The following ALS2 variants were observed in gnomAD, a reference collection of about 807,000 sequenced individuals.
ALS2 encodes alsin.
Under a neutral mutation model 203.4 loss-of-function variants are expected in ALS2, and 117 were observed. The ratio of observed to expected loss-of-function variants is 0.58; its 90% CI spans 0.50 to 0.67. The LOEUF is 0.67. Ranked by LOEUF, ALS2 falls within the 30% of genes least tolerant of loss-of-function variation. The pLI is 0.00. For missense variants in ALS2, 1,715 were observed against 1,989.4 expected, an observed-to-expected ratio of 0.86 and a Z score of 2.62; for synonymous variants, 718 against 725.9, an observed-to-expected ratio of 0.99 and a Z score of 0.17.
At chr2:201,739,330 T>C (rs1692109898) in intron 11 of ALS2, among the ~76,000 whole-genome samples, 1 of 151,648 alleles carries the variant, frequency 6.6e-6, no homozygotes, top group Admixed American at 6.6e-5. Context: ...ACTTGGTATC[T>C]ACCAAGCAAT....
intron 25 of ALS2, among the ~76,000 whole-genome samples, chr2:201,712,136 T>C (rs540300461): frequency 1.3e-5 from 2 of 152,298 alleles, no homozygotes; most frequent in South Asian, 4.1e-4. Flanking sequence ...TACACGAATT[T>C]CAAGCAAGCA....
chr2:201,717,355 A>T (rs1175881162), intron 24 of ALS2, among the ~76,000 whole-genome samples: 1 of 151,952 alleles, frequency 6.6e-6, no homozygotes, highest in Non-Finnish European at 1.5e-5. Flanking sequence ...AGTCTCAGCT[A>T]CTTGGAAGCC....
chr2:201,727,396 A>G (rs1691252970), intron 16 of ALS2, 118 bp from the exon 17 acceptor site: 4 of 956,356 alleles, frequency 4.2e-6, no homozygotes, highest in Admixed American at 2.0e-5. Context: ...AATTAATGTA[A>G]ATGCTTGCTT....
intron 13 of ALS2, among the ~76,000 whole-genome samples, chr2:201,732,736 T>C (rs368785217): frequency 2.1e-4 from 32 of 152,350 alleles, no homozygotes; most frequent in Admixed American, 3.3e-4. Context: ...TATATCCTAG[T>C]GTGGTGCTAA....
chr2:201,755,581 A>G (rs1259501167), intron 5 of ALS2, among the ~76,000 whole-genome samples: 2 of 152,208 alleles, frequency 1.3e-5, no homozygotes, highest in African/African-American at 4.8e-5. Flanking sequence ...TTAAAACACA[A>G]AAAGCCTTTC....
chr2:201,717,947 A>T, intron 24 of ALS2, 130 bp downstream of exon 24: 1 of 955,734 alleles, frequency 1.0e-6, no homozygotes, highest in Non-Finnish European at 1.5e-6. Context: ...TCAAAAAATA[A>T]AAATAAAATA....
chr2:201,708,683 A>T (rs1206311042), intron 27 of ALS2, among the ~76,000 whole-genome samples: 1 of 152,016 alleles, frequency 6.6e-6, no homozygotes, highest in Non-Finnish European at 1.5e-5. Flanking sequence ...TTGGTGAGGA[A>T]TTTTTTTTCC....
At chr2:201,701,912 T>C in intron 33 of ALS2, 23 bp from the exon 34 acceptor site, 4 of 1,612,264 alleles carry the variant, frequency 2.5e-6, no homozygotes, top group Non-Finnish European at 3.4e-6. Context: ...TTCAAAATAA[T>C]TTCAAATTCA....
rs41309048 is a variant in ALS2 at position 201,723,390 on chromosome 2, A to G, written c.3564T>C (p.Gly1188=). ...ATAATCCAAACTGGGTAACCACCACACCATTCCCTTGACACACATCATCTT... is the reference window on the plus strand; with the variant it reads ...ATAATCCAAACTGGGTAACCACCACGCCATTCCCTTGACACACATCATCTT... ...MWQDDVCQGN[G]VVVTQFGLYY... Residue 1188 remains glycine (G), a synonymous_variant, in exon 22 of 34, where the codon GGT becomes GGC. Coordinates refer to ENST00000264276, the MANE Select transcript of ALS2 (RefSeq NM_020919.4). 5.9e-5 allele frequency: 96 copies of G among 1,614,136 alleles called. No homozygotes were observed. The East Asian group carries it at 2.1e-3, about 36-fold the overall frequency.
intron 29 of ALS2, among the ~76,000 whole-genome samples, chr2:201,705,794 T>TA (rs1689671657): frequency 3.3e-5 from 5 of 151,666 alleles, no homozygotes; most frequent in Admixed American, 3.3e-4. Context: ...TAAGAAAATA[T>TA]AAAAATTAGC....
At chr2:201,758,230 A>G (rs1391614646) in intron 4 of ALS2, among the ~76,000 whole-genome samples, 1 of 151,500 alleles carries the variant, frequency 6.6e-6, no homozygotes, top group African/African-American at 2.4e-5. Flanking sequence ...TTTTATGAAG[A>G]AAAAAAAAGC....
chr2:201,712,371 T>C (rs139211758), intron 25 of ALS2, among the ~76,000 whole-genome samples: 1 of 152,328 alleles, frequency 6.6e-6, no homozygotes, highest in Non-Finnish European at 1.5e-5. Context: ...TTTAAAGAAT[T>C]TGGTAACTTT....
intron 20 of ALS2, 123 bp downstream of exon 20, chr2:201,725,233 C>T: frequency 1.3e-6 from 1 of 775,266 alleles, no homozygotes; most frequent in Non-Finnish European, 2.3e-6. Context: ...TTATTTACTC[C>T]TCTAAATTTT....
Position 201,761,055 on chromosome 2 carries a change from T to G in ALS2, c.939A>C (p.Thr313=), listed in dbSNP as rs551245367. 1 of 1,614,190 alleles carries G rather than the reference T, an allele frequency of 6.2e-7. No individual in the cohort carries two copies. Among genetic ancestry groups the G allele is most frequent in the African/African-American group, 1.3e-5 (1 of 75,046 alleles). The change falls in exon 4 of 34, where the codon ACA becomes ACC. Residue 313 remains threonine, a synonymous_variant. Coordinates refer to ENST00000264276, the MANE Select transcript of ALS2 (RefSeq NM_020919.4). ...GTTGAGAGGACATGGCATCGCTGCT[T>G]GTGATCTGAGCACTTACTGCATTCA... ...TELNAVSAQI[T]SSDAMSSQQN... is the part of the protein sequence containing the mutation.
intron 4 of ALS2, chr2:201,760,192 T>C (rs1693673812): frequency 7.0e-6 from 4 of 567,630 alleles, no homozygotes; most frequent in Middle Eastern, 8.8e-4. Flanking sequence ...ATGTGTATAG[T>C]CCCAGCTACT....
chr2:201,722,494 A>C (rs1690870216), intron 23 of ALS2: 7 of 152,630 alleles, frequency 4.6e-5, no homozygotes, highest in Admixed American at 4.6e-4. Flanking sequence ...TACTTGAGAA[A>C]TGAAAATGAA....
At chr2:201,724,073 G>A (rs150537603) in intron 21 of ALS2, among the ~76,000 whole-genome samples, 1 of 151,988 alleles carries the variant, frequency 6.6e-6, no homozygotes, top group Non-Finnish European at 1.5e-5. Context: ...AGCTGAGATC[G>A]CACCACTCCA....
rs372556554 is a variant in ALS2, at chr2:201,767,273, A to G, written c.131T>C (p.Leu44Ser). ...ATGTTTCACTCCGAGGGCTGCCTGC[A>G]AAACAGTCTTTCCTCCCCAGCCTGG... ...RLPGWGGKTV[L>S]QAALGVKHGV... The change falls in exon 3 of 34, where the codon TTG becomes TCG. Residue 44 changes from leucine to serine, a missense_variant. Transcript: ENST00000264276. The G allele has an allele frequency of 1.1e-5, 17 of 1,613,970 alleles. No homozygotes were observed. In the African/African-American group the frequency reaches 1.5e-4, roughly 14 times the overall value.
chr2:201,758,967 G>C (rs544161756), intron 4 of ALS2, among the ~76,000 whole-genome samples: 9 of 152,030 alleles, frequency 5.9e-5, no homozygotes, highest in Non-Finnish European at 8.8e-5. Context: ...TTAATAAAAC[G>C]AAAAAGAAAT....
Sources: allele counts gnomAD v4.1 joint callset (sites outside exome capture counted in the v4.1 genomes callset), GRCh38; gene constraint gnomAD v4.1.1; transcripts MANE v1.5; gene names NCBI Gene and HGNC (gene_info 2026-07-23, HGNC 2026-07-21).